Variants in NCAPD3 observed in about 807,000 individuals in gnomAD.
NCAPD3 encodes the protein condensin-2 complex subunit D3.
Under a neutral mutation model 182.9 loss-of-function variants are expected in NCAPD3, and 105 were observed. The observed-to-expected ratio is 0.57, with a 90% confidence interval of 0.49 to 0.68. NCAPD3 has a LOEUF of 0.68. Ranked by LOEUF, NCAPD3 falls within the 30% of genes least tolerant of loss-of-function variation. The probability of loss-of-function intolerance (pLI) is 0.00; values close to 1 mark genes in which losing one functional copy is unlikely to be tolerated. For synonymous variants in NCAPD3, 815 were observed against 679.9 expected (o/e 1.20, Z -3.09); for missense variants, 1,944 against 1,837.0 (o/e 1.06, Z -1.07).
At chr11:134,193,307 C>T (rs2135997153) in intron 15 of NCAPD3, among the ~76,000 whole-genome samples, 1 of 152,284 alleles carries the variant, frequency 6.6e-6, no homozygotes, top group South Asian at 2.1e-4. Flanking sequence ...GACTAAAATG[C>T]TAACTAGTAA....
chr11:134,158,256 G>A, intron 30 of NCAPD3, 73 bp downstream of exon 30: 1 of 1,582,022 alleles, frequency 6.3e-7, no homozygotes, highest in Non-Finnish European at 8.6e-7. Flanking sequence ...CCCACGCTTG[G>A]GAATGGCAGG....
chr11:134,217,620 G>GT, intron 2 of NCAPD3, among the ~76,000 whole-genome samples: 1 of 152,270 alleles, frequency 6.6e-6, no homozygotes, highest in Middle Eastern at 3.4e-3. Flanking sequence ...AACCACAATT[G>GT]TATTAATTCT....
Position 134,208,907 on chromosome 11 carries a change from C to T in NCAPD3, c.839G>A (p.Gly280Glu). The change falls in exon 7 of 35, where the codon GGA (glycine) becomes GAA (glutamate). Residue 280 changes from glycine (G) to glutamate (E), a missense_variant. By Grantham distance (98) the Gly-to-Glu change is moderately conservative. Transcript: ENST00000534548. The stretch of plus-strand genomic sequence containing the variant: ...AATGGGAGAGCACAGCAAATACAAT[C>T]CATAATAAGCCAGTTCTGGTATGTA... Reference protein sequence around the residue: ...AKYIPELAYYGLYLLCSPIHG... With the variant: ...AKYIPELAYYELYLLCSPIHG... The T allele has an allele frequency of 6.2e-7, 1 of 1,612,720 alleles. No homozygotes were observed. Among genetic ancestry groups the T allele is most frequent in the Non-Finnish European group, 8.5e-7 (1 of 1,179,574 alleles).
intron 24 of NCAPD3, 86 bp downstream of exon 24, chr11:134,176,221 T>C (rs1944160337): frequency 3.9e-6 from 5 of 1,286,532 alleles, no homozygotes; most frequent in Non-Finnish European, 5.6e-6. Context: ...TACTTAACTC[T>C]AAACCAATCT....
intron 1 of NCAPD3, among the ~76,000 whole-genome samples, chr11:134,222,389 TCA>T (rs1395946394): frequency 6.6e-6 from 1 of 152,194 alleles, no homozygotes; most frequent in Non-Finnish European, 1.5e-5. Flanking sequence ...TCTCAACATT[TCA>T]CACTTAGGAT....
chr11:134,198,277 C>T (rs777553226), intron 13 of NCAPD3, among the ~76,000 whole-genome samples: 3 of 152,192 alleles, frequency 2.0e-5, no homozygotes, highest in Admixed American at 6.5e-5. Flanking sequence ...TCTCCACCAC[C>T]CTTTATCTTA....
chr11:134,203,699 T>C lies in NCAPD3; in HGVS notation c.1423A>G (p.Thr475Ala). The change falls in exon 11 of 35, where the codon ACT becomes GCT. Residue 475 changes from threonine to alanine, a missense_variant. Physicochemically the swap from Thr to Ala is moderately conservative, Grantham distance 58. Transcript: ENST00000534548. ...LSSFAHCLELTVTSASESILE... is the reference protein window; with the variant it reads ...LSSFAHCLELAVTSASESILE... ...ATACTCTCCGACGCACTGGTAACAG[T>C]CAACTCCAGACAGTGTGCAAAGCTG... The C allele has an allele frequency of 1.2e-6, 2 of 1,614,054 alleles. No homozygotes were observed. Among genetic ancestry groups the C allele is most frequent in the East Asian group, 4.5e-5 (2 of 44,880 alleles).
chr11:134,205,357 C>T (rs191081182), intron 8 of NCAPD3, among the ~76,000 whole-genome samples: 153 of 151,938 alleles, frequency 1.0e-3, no homozygotes, highest in Non-Finnish European at 9.3e-4. Context: ...ATTACTTCTC[C>T]AAACTTTAAC....
upstream of NCAPD3, chr11:134,225,392 G>A (rs771677139): frequency 1.3e-5 from 20 of 1,593,060 alleles, no homozygotes; most frequent in South Asian, 1.0e-4. Context: ...ACAGCCGGCC[G>A]GGGAGCAGGG....
chr11:134,190,555 CG>C (rs1565543187), intron 16 of NCAPD3, among the ~76,000 whole-genome samples: 1 of 152,108 alleles, frequency 6.6e-6, no homozygotes, highest in Non-Finnish European at 1.5e-5. Context: ...GGTGCAATTA[CG>C]GCTCACTGCA....
chr11:134,181,482 G>C (rs966774572), intron 19 of NCAPD3, among the ~76,000 whole-genome samples: 12 of 152,302 alleles, frequency 7.9e-5, no homozygotes, highest in African/African-American at 2.2e-4. Context: ...GTAGTAATTT[G>C]TAAGAGATCT....
intron 31 of NCAPD3, 84 bp downstream of exon 31, chr11:134,157,844 G>A (rs1171729920): frequency 1.3e-5 from 18 of 1,387,284 alleles, no homozygotes; most frequent in Non-Finnish European, 1.6e-5. Flanking sequence ...AAAACACACC[G>A]CTTTGAAAGG....
At chr11:134,165,608 G>C (rs1943756516) in intron 27 of NCAPD3, among the ~76,000 whole-genome samples, 1 of 146,844 alleles carries the variant, frequency 6.8e-6, no homozygotes, top group African/African-American at 2.5e-5. Flanking sequence ...GAGCTTGGGG[G>C]AGGCGCACAC....
chr11:134,167,294 TGGG>T (rs1392146312), intron 27 of NCAPD3, among the ~76,000 whole-genome samples: 3 of 99,098 alleles, frequency 3.0e-5, no homozygotes, highest in African/African-American at 8.1e-5. Context: ...GAGATGAGCT[TGGG>T]GGAGCAGCAC....
chr11:134,204,871 T>C lies in NCAPD3; in HGVS notation c.1089+28A>G. 6.5e-7 allele frequency: 1 copy of C among 1,549,860 alleles called. No homozygotes were observed. Among genetic ancestry groups the C allele is most frequent in the Non-Finnish European group, 8.9e-7 (1 of 1,122,876 alleles). On this transcript the variant is annotated intron_variant, in intron 9 of 34. Coordinates refer to ENST00000534548, the MANE Select transcript of NCAPD3 (RefSeq NM_015261.3). This position sits in a 1 kb window ranked among gnomAD's most constrained non-coding sequence, Gnocchi z 4.3. ...TCTTCACACACGATATACTTCCATG[T>C]TATTAATATTACTAAGGCAAACAGT... is the stretch of plus-strand genomic sequence containing the variant.
chr11:134,169,418 C>A (rs778738701), intron 24 of NCAPD3, among the ~76,000 whole-genome samples: 1 of 152,204 alleles, frequency 6.6e-6, no homozygotes, highest in Non-Finnish European at 1.5e-5. Context: ...GATGCAATGA[C>A]AACAGTCACC....
intron 3 of NCAPD3, among the ~76,000 whole-genome samples, chr11:134,214,442 AC>A (rs1397236379): frequency 6.6e-6 from 1 of 152,234 alleles, no homozygotes; most frequent in Non-Finnish European, 1.5e-5. Flanking sequence ...AGTATTAAAT[AC>A]TTGTATTAGA....
chr11:134,154,485 C>T (rs553628866), intron 32 of NCAPD3, among the ~76,000 whole-genome samples: 3 of 149,938 alleles, frequency 2.0e-5, no homozygotes, highest in East Asian at 2.0e-4. Context: ...GCACCCCCCC[C>T]CCCACCGCCC....
At position 134,204,049 on chromosome 11, in the gene NCAPD3, G is replaced by A. The variant is rs747909211; in HGVS notation, c.1212C>T (p.Ser404=). 1.2e-6 allele frequency: 2 copies of A among 1,614,066 alleles called. No individual in the cohort carries two copies. Among genetic ancestry groups the A allele is most frequent in the Non-Finnish European group, 8.5e-7 (1 of 1,179,988 alleles). The change falls in exon 10 of 35, where the codon TCC becomes TCT. Residue 404 remains serine, a synonymous_variant. Coordinates refer to ENST00000534548, the MANE Select transcript of NCAPD3 (RefSeq NM_015261.3). The surrounding 1 kb of genome is among the most constrained non-coding windows in gnomAD (Gnocchi z 4.3). ...TTTATGCAGAGCTATCTCCTACCTTGGAACTTCGGGAGTATTTGTAAAGCC... is the reference window on the plus strand; with the variant it reads ...TTTATGCAGAGCTATCTCCTACCTTAGAACTTCGGGAGTATTTGTAAAGCC... ...IAWLYKYSRS[S]KIPHRVFTLD...
Sources: allele counts gnomAD v4.1 joint callset (sites outside exome capture counted in the v4.1 genomes callset), GRCh38; gene constraint gnomAD v4.1.1; non-coding constraint Gnocchi (gnomAD v3.1); transcripts MANE v1.5; gene names NCBI Gene and HGNC (gene_info 2026-07-23, HGNC 2026-07-21).